The following GRIN2B variants were observed in gnomAD, a reference collection of about 807,000 sequenced individuals.
GRIN2B encodes the protein glutamate ionotropic receptor NMDA type subunit 2B.
In GRIN2B, 5 loss-of-function variants were observed where a neutral mutation model predicts 114.5. The observed-to-expected ratio is 0.04, with a 90% CI of 0.02 to 0.09. GRIN2B has a LOEUF of 0.09. Ranked by LOEUF, GRIN2B falls within the 10% of genes least tolerant of loss-of-function variation. The pLI, the probability that GRIN2B is intolerant of heterozygous loss-of-function variation, is 1.00. For missense variants in GRIN2B, 1,108 were observed against 1,943.5 expected (o/e 0.57, Z 8.08); for synonymous variants, 787 against 745.1 (o/e 1.06, Z -0.92).
chr12:13,598,996 G>A (rs900305460), intron 10 of GRIN2B, among the ~76,000 whole-genome samples: 3 of 152,160 alleles, frequency 2.0e-5, no homozygotes, highest in Admixed American at 6.5e-5. Context: ...TGAGGGAGTC[G>A]GCTTGCCTGC....
intron 2 of GRIN2B, among the ~76,000 whole-genome samples, chr12:13,871,874 T>C (rs1394107234): frequency 1.3e-5 from 2 of 152,206 alleles, no homozygotes; most frequent in South Asian, 2.1e-4. Flanking sequence ...CTGAAAAGAA[T>C]GTAGAACATT....
At chr12:13,610,839 A>G (rs112198774) in intron 9 of GRIN2B, among the ~76,000 whole-genome samples, 22 of 152,328 alleles carry the variant, frequency 1.4e-4, no homozygotes, top group African/African-American at 5.3e-4. Flanking sequence ...GAATCAGAAA[A>G]TGAGGTCCAA....
intron 2 of GRIN2B, among the ~76,000 whole-genome samples, chr12:13,868,597 GT>G (rs1345874801): frequency 7.2e-5 from 11 of 152,108 alleles, no homozygotes; most frequent in African/African-American, 2.7e-4. Context: ...CACTAAATTA[GT>G]TTCCTTCACG....
intron 5 of GRIN2B, among the ~76,000 whole-genome samples, chr12:13,619,932 G>GGAAA (rs1949494651): frequency 6.6e-6 from 1 of 152,150 alleles, no homozygotes; most frequent in African/African-American, 2.4e-5. Context: ...TTTCCTCCAA[G>GGAAA]GACAGTCTAG....
chr12:13,681,704 T>C (rs540041600), intron 4 of GRIN2B, among the ~76,000 whole-genome samples: 29 of 152,202 alleles, frequency 1.9e-4, no homozygotes, highest in Non-Finnish European at 3.8e-4. Context: ...ACATAGTTTT[T>C]AGTGTGTATA....
intron 4 of GRIN2B, among the ~76,000 whole-genome samples, chr12:13,734,500 C>A (rs763694995): frequency 1.3e-5 from 2 of 152,138 alleles, no homozygotes; most frequent in Non-Finnish European, 2.9e-5. Context: ...GCCAATGAAT[C>A]CAAAGAGTCA....
chr12:13,945,633 T>C (rs1343211932), intron 2 of GRIN2B, among the ~76,000 whole-genome samples: 2 of 152,180 alleles, frequency 1.3e-5, no homozygotes, highest in African/African-American at 4.8e-5. Context: ...TACCTGTGTG[T>C]ACAAATCCTA....
At chr12:13,833,992 GA>G in intron 3 of GRIN2B, among the ~76,000 whole-genome samples, 1 of 145,164 alleles carries the variant, frequency 6.9e-6, no homozygotes, top group Non-Finnish European at 1.5e-5. Context: ...GGTGCAAGGT[GA>G]AAACACAGTA....
chr12:13,955,483 G>A (rs1287010569), intron 2 of GRIN2B, among the ~76,000 whole-genome samples: 2 of 152,166 alleles, frequency 1.3e-5, no homozygotes, highest in African/African-American at 2.4e-5. Flanking sequence ...TATTTGAACA[G>A]GGTAGAACCT....
chr12:13,616,959 A>T (rs1016267405), intron 5 of GRIN2B, among the ~76,000 whole-genome samples: 6 of 152,226 alleles, frequency 3.9e-5, no homozygotes, highest in African/African-American at 1.4e-4. Flanking sequence ...TCTATCCTTC[A>T]TGAAGCTCAC....
chr12:13,827,972 AC>A (rs1167494119), intron 3 of GRIN2B, among the ~76,000 whole-genome samples: 1 of 152,140 alleles, frequency 6.6e-6, no homozygotes, highest in East Asian at 1.9e-4. Flanking sequence ...GAGCCACCGC[AC>A]CCAGCCTATA....
chr12:13,742,451 G>T (rs1321922850), intron 4 of GRIN2B, among the ~76,000 whole-genome samples: 4 of 152,070 alleles, frequency 2.6e-5, no homozygotes, highest in African/African-American at 9.7e-5. Flanking sequence ...TTGTTTTTGA[G>T]ACAGAGTCTC....
At chr12:13,805,867 C>T (rs750133053) in intron 3 of GRIN2B, among the ~76,000 whole-genome samples, 37 of 152,056 alleles carry the variant, frequency 2.4e-4, no homozygotes, top group Admixed American at 4.6e-4. Context: ...ATTTTGTATC[C>T]TTTGATCAAC....
intron 2 of GRIN2B, among the ~76,000 whole-genome samples, chr12:13,926,400 G>A (rs1866911474): frequency 6.6e-6 from 1 of 152,124 alleles, no homozygotes; most frequent in African/African-American, 2.4e-5. Flanking sequence ...TAAACAATGT[G>A]CATTGCTTTC....
chr12:13,704,768 G>A (rs577530091), intron 4 of GRIN2B, among the ~76,000 whole-genome samples: 2 of 152,210 alleles, frequency 1.3e-5, no homozygotes, highest in South Asian at 4.1e-4. Context: ...AATTAATACA[G>A]GTAAAAGGAC....
At chr12:13,962,685 C>T (rs1043634716) in intron 2 of GRIN2B, among the ~76,000 whole-genome samples, 3 of 152,152 alleles carry the variant, frequency 2.0e-5, no homozygotes, top group Non-Finnish European at 4.4e-5. Context: ...TCACAGTGAC[C>T]GTAACACCCA....
At chr12:13,749,902 A>T (rs1863452537) in intron 4 of GRIN2B, among the ~76,000 whole-genome samples, 1 of 152,174 alleles carries the variant, frequency 6.6e-6, no homozygotes, top group Non-Finnish European at 1.5e-5. Flanking sequence ...CCAGAAGAAG[A>T]TGTATTTGGA....
chr12:13,581,972 C>A (rs1948859439), intron 10 of GRIN2B, among the ~76,000 whole-genome samples: 1 of 151,562 alleles, frequency 6.6e-6, no homozygotes, highest in Non-Finnish European at 1.5e-5. Flanking sequence ...GTTATGGGCT[C>A]AAAGATCTAA....
intron 5 of GRIN2B, among the ~76,000 whole-genome samples, chr12:13,670,690 C>G (rs1950015020): frequency 6.6e-6 from 1 of 152,054 alleles, no homozygotes; most frequent in African/African-American, 2.4e-5. Context: ...GCCCAGTCTG[C>G]ACACAATGAT....
Sources: allele counts gnomAD v4.1 joint callset (sites outside exome capture counted in the v4.1 genomes callset), GRCh38; gene constraint gnomAD v4.1.1; transcripts MANE v1.5; gene names NCBI Gene and HGNC (gene_info 2026-07-23, HGNC 2026-07-21).